SEMA3A: variants seen among roughly 807,000 people sequenced by gnomAD.
SEMA3A encodes the protein semaphorin 3A.
A neutral mutation model predicts 97.9 loss-of-function variants in SEMA3A; 29 were observed. That is an observed-to-expected ratio of 0.30 (90% CI 0.22 to 0.40). The LOEUF (loss-of-function observed/expected upper bound fraction) is 0.40, where lower values mean the gene tolerates loss of function less well. Ranked by LOEUF, SEMA3A falls within the 10% of genes least tolerant of loss-of-function variation. The probability of loss-of-function intolerance (pLI) is 1.00; values close to 1 mark genes in which losing one functional copy is unlikely to be tolerated. For synonymous variants in SEMA3A, 321 were observed against 323.7 expected (o/e 0.99, Z 0.09); for missense variants, 763 against 951.3 (o/e 0.80, Z 2.60).
At chr7:84,317,032 G>C (rs1584234151) in intron 2 of SEMA3A, among the ~76,000 whole-genome samples, 1 of 151,866 alleles carries the variant, frequency 6.6e-6, no homozygotes, top group African/African-American at 2.4e-5. Flanking sequence ...CATCATAATA[G>C]GGCACTTCTC....
intron 15 of SEMA3A, among the ~76,000 whole-genome samples, chr7:83,965,660 ATATATATTTTTTTTTTTTTTTTTTT>A (rs1788662732): frequency 1.0e-4 from 1 of 9,850 alleles, no homozygotes; most frequent in Non-Finnish European, 1.9e-4. Flanking sequence ...ATATATATAT[ATATATATTTTTTTTTTTTTTTTTTT>A]TTTTTTTTTT....
At chr7:84,427,464 T>C (rs1022125308) in intron 1 of SEMA3A, among the ~76,000 whole-genome samples, 10 of 151,648 alleles carry the variant, frequency 6.6e-5, no homozygotes, top group African/African-American at 2.4e-4. Context: ...CTGGCCAATA[T>C]GGTGAAACCC....
At chr7:84,444,588 G>C (rs1349913217) in intron 1 of SEMA3A, among the ~76,000 whole-genome samples, 2 of 146,254 alleles carry the variant, frequency 1.4e-5, no homozygotes, top group Non-Finnish European at 3.0e-5. Context: ...TTGAGACGGA[G>C]TCTGGCTCTG....
intron 6 of SEMA3A, among the ~76,000 whole-genome samples, chr7:84,015,497 G>C (rs1724624195): frequency 6.6e-6 from 1 of 152,146 alleles, no homozygotes; most frequent in Admixed American, 6.5e-5. Flanking sequence ...ATAGCTTTAA[G>C]ATGCTATGTG....
intron 4 of SEMA3A, among the ~76,000 whole-genome samples, chr7:84,065,355 A>G (rs1162788798): frequency 1.4e-5 from 2 of 138,698 alleles, no homozygotes; most frequent in Non-Finnish European, 1.5e-5. Flanking sequence ...TCACAATTAA[A>G]AGAACTAGAA....
At chr7:84,363,359 T>C (rs1460248027) in intron 2 of SEMA3A, among the ~76,000 whole-genome samples, 1 of 151,928 alleles carries the variant, frequency 6.6e-6, no homozygotes, top group Non-Finnish European at 1.5e-5. Context: ...GTCACTGCTT[T>C]TTCACTCTCG....
chr7:84,209,298 A>G (rs1798569447), intron 3 of SEMA3A, among the ~76,000 whole-genome samples: 1 of 152,184 alleles, frequency 6.6e-6, no homozygotes, highest in South Asian at 2.1e-4. Flanking sequence ...TCCATGTAGT[A>G]GGCTGTGTAT....
At chr7:84,225,994 C>T (rs879500714) in intron 3 of SEMA3A, among the ~76,000 whole-genome samples, 2 of 151,918 alleles carry the variant, frequency 1.3e-5, no homozygotes, top group African/African-American at 2.4e-5. Flanking sequence ...CAAGTGAAAG[C>T]CATATAAAAA....
At chr7:84,426,004 C>T (rs1326249879) in intron 1 of SEMA3A, among the ~76,000 whole-genome samples, 1 of 150,130 alleles carries the variant, frequency 6.7e-6, no homozygotes, top group Non-Finnish European at 1.5e-5. Flanking sequence ...TGTAAATTCT[C>T]ATTTATATTT....
At chr7:84,166,569 C>CAA (rs34318470) in intron 1 of SEMA3A, among the ~76,000 whole-genome samples, 49 of 133,322 alleles carry the variant, frequency 3.7e-4, no homozygotes, top group African/African-American at 1.3e-3. Context: ...AAAACTCCGT[C>CAA]AAAAAAAAAA....
intron 6 of SEMA3A, among the ~76,000 whole-genome samples, chr7:84,032,930 A>G (rs538181645): frequency 7.0e-4 from 106 of 152,160 alleles, no homozygotes; most frequent in African/African-American, 2.6e-3. Context: ...AAGTTGTAAC[A>G]TAAGATGTAT....
chr7:84,472,929 G>C (rs1189512549), intron 1 of SEMA3A, among the ~76,000 whole-genome samples: 1 of 152,116 alleles, frequency 6.6e-6, no homozygotes, highest in Non-Finnish European at 1.5e-5. Flanking sequence ...TTAGTTTAGA[G>C]AGATCCTCAT....
intron 4 of SEMA3A, among the ~76,000 whole-genome samples, chr7:84,086,047 T>C (rs1182923493): frequency 6.6e-6 from 1 of 152,182 alleles, no homozygotes; most frequent in Non-Finnish European, 1.5e-5. Context: ...TGCTATTTTT[T>C]CTGCTCTTCT....
intron 3 of SEMA3A, among the ~76,000 whole-genome samples, chr7:84,248,012 C>T (rs1004900877): frequency 1.3e-5 from 2 of 152,100 alleles, no homozygotes; most frequent in African/African-American, 4.8e-5. Context: ...AATAATTCTG[C>T]TTTGTGTTGG....
chr7:84,057,411 G>A (rs914332593), intron 5 of SEMA3A, among the ~76,000 whole-genome samples: 5 of 152,042 alleles, frequency 3.3e-5, no homozygotes, highest in Admixed American at 3.3e-4. Context: ...GCTATCTTTA[G>A]TAAAAGATTT....
intron 15 of SEMA3A, among the ~76,000 whole-genome samples, chr7:83,968,514 T>G (rs1179588930): frequency 6.6e-6 from 1 of 152,188 alleles, no homozygotes; most frequent in African/African-American, 2.4e-5. Flanking sequence ...TATTTTGAAA[T>G]GGACTTTGTG....
intron 4 of SEMA3A, among the ~76,000 whole-genome samples, chr7:84,075,773 A>G (rs1793925838): frequency 6.6e-6 from 1 of 152,024 alleles, no homozygotes; most frequent in African/African-American, 2.4e-5. Flanking sequence ...TTTGACTTCT[A>G]TTGTATCCAT....
intron 2 of SEMA3A, among the ~76,000 whole-genome samples, chr7:84,361,129 C>A (rs1180683801): frequency 1.3e-5 from 2 of 151,984 alleles, no homozygotes; most frequent in Admixed American, 6.6e-5. Context: ...TTTTAACAGA[C>A]TTCATTGACT....
At chr7:84,082,793 T>TA (rs1794205874) in intron 4 of SEMA3A, among the ~76,000 whole-genome samples, 1 of 151,964 alleles carries the variant, frequency 6.6e-6, no homozygotes, top group Admixed American at 6.6e-5. Context: ...GTAGAAAAAC[T>TA]ACATTTTGGC....
Sources: gnomAD v4.1 joint callset for allele counts (sites outside exome capture counted in the v4.1 genomes callset) on GRCh38, gnomAD v4.1.1 for gene constraint, MANE v1.5 for transcripts, NCBI Gene and HGNC (gene_info 2026-07-23, HGNC 2026-07-21) for gene names.